CSMD1: variants seen among roughly 807,000 people sequenced by gnomAD.
CSMD1 encodes the protein CUB and sushi domain-containing protein 1.
CSMD1 carries 213 observed loss-of-function variants against 417.5 expected under a neutral mutation model. The ratio of observed to expected loss-of-function variants is 0.51; its 90% CI spans 0.46 to 0.57. CSMD1 has a LOEUF of 0.57. Ranked by LOEUF, CSMD1 falls within the 20% of genes least tolerant of loss-of-function variation. The probability of loss-of-function intolerance (pLI) is 0.00; values close to 1 mark genes in which losing one functional copy is unlikely to be tolerated. For missense variants in CSMD1, 6,923 were observed against 4,529.7 expected (o/e 1.53, Z -15.17); for synonymous variants, 2,862 against 1,736.8 (o/e 1.65, Z -16.11).
At chr8:3,328,127 A>T (rs1447586762) in intron 23 of CSMD1, among the ~76,000 whole-genome samples, 1 of 152,140 alleles carries the variant, frequency 6.6e-6, no homozygotes. Context: ...ATTGTGATTC[A>T]ATGTCAAAAT....
intron 1 of CSMD1, among the ~76,000 whole-genome samples, chr8:4,730,056 T>C (rs1331234740): frequency 2.0e-5 from 3 of 152,116 alleles, no homozygotes; most frequent in Admixed American, 6.5e-5. Flanking sequence ...CCTCTCAGAA[T>C]GGCCAGAGAA....
intron 3 of CSMD1, among the ~76,000 whole-genome samples, chr8:4,287,981 A>C (rs912496407): frequency 6.6e-6 from 1 of 152,146 alleles, no homozygotes; most frequent in African/African-American, 2.4e-5. Context: ...ATGATAATAA[A>C]ATTAAGGTTT....
chr8:4,252,920 A>G lies in CSMD1; in HGVS notation c.415+167033T>C, dbSNP rs554509452. Among the ~76,000 whole-genome samples the G allele has an allele frequency of 3.3e-5, 5 of 152,246 alleles. No homozygotes were observed. The South Asian group carries it at 1.0e-3, about 32-fold the overall frequency. On this transcript the variant is annotated intron_variant, in intron 3 of 69. Transcript: ENST00000635120. ...GTTCATGACCAACTTAAGTGGCTGG[A>G]CCCATGGCAGCAGAACACACCAACT... is the stretch of plus-strand genomic sequence containing the variant.
Position 4,604,415 on chromosome 8 carries a change from G to GCGCGCA in CSMD1, c.302+32926_302+32927insTGCGCG, listed in dbSNP as rs1491097432. On this transcript the variant is annotated intron_variant, in intron 2 of 69. Transcript: ENST00000635120. ...TGTGTGTGTGTGTGTGTGTGTGCGCGTGCGTAAAGACTAGGATCTCCAGGA... is the reference window on the plus strand; with the variant it reads ...TGTGTGTGTGTGTGTGTGTGTGCGCGCGCGCATGCGTAAAGACTAGGATCTCCAGGA... Among the ~76,000 whole-genome samples the GCGCGCA allele has an allele frequency of 3.0e-4, 46 of 151,444 alleles. 1 individual carries two copies. Among genetic ancestry groups the GCGCGCA allele is most frequent in the Admixed American group, 2.4e-3 (37 of 15,186 alleles).
intron 26 of CSMD1, among the ~76,000 whole-genome samples, chr8:3,277,501 C>G (rs1452820003): frequency 6.6e-6 from 1 of 152,138 alleles, no homozygotes; most frequent in South Asian, 2.1e-4. Flanking sequence ...CCACTGAATG[C>G]ATTGTTGGAT....
At chr8:3,739,618 C>T (rs1796692473) in intron 6 of CSMD1, among the ~76,000 whole-genome samples, 1 of 152,046 alleles carries the variant, frequency 6.6e-6, no homozygotes, top group South Asian at 2.1e-4. Context: ...TCTCAAAAGG[C>T]CTTTCTGTGC....
At chr8:3,986,211 G>T (rs1814308655) in intron 5 of CSMD1, among the ~76,000 whole-genome samples, 1 of 152,100 alleles carries the variant, frequency 6.6e-6, no homozygotes, top group Non-Finnish European at 1.5e-5. Flanking sequence ...CTGAGATGGT[G>T]CAAAGACACC....
In CSMD1 at chr8:4,304,676, A is replaced by T. The variant is rs999665465; in HGVS notation, c.415+115277T>A. On this transcript the variant is annotated intron_variant, in intron 3 of 69. Coordinates refer to ENST00000635120, the MANE Select transcript of CSMD1 (RefSeq NM_033225.6). ...CAAATAATGCACCTATCAGCAAGGA[A>T]ACATCTCCAGTTTGAAGATGATGCC... 6.6e-5 allele frequency among the ~76,000 whole-genome samples: 10 copies of T among 152,196 alleles called. No individual in the cohort carries two copies. The South Asian group carries it at 2.1e-3, about 32-fold the overall frequency.
chr8:4,754,392 T>C (rs557938304), intron 1 of CSMD1, among the ~76,000 whole-genome samples: 1 of 152,074 alleles, frequency 6.6e-6, no homozygotes, highest in African/African-American at 2.4e-5. Flanking sequence ...AATTGATCTG[T>C]AGTGTCATAT....
intron 1 of CSMD1, among the ~76,000 whole-genome samples, chr8:4,836,887 C>T (rs892364334): frequency 2.0e-5 from 3 of 152,084 alleles, no homozygotes; most frequent in African/African-American, 7.2e-5. Context: ...CCACCTCTCA[C>T]TCTGTCTGAG....
intron 3 of CSMD1, among the ~76,000 whole-genome samples, chr8:4,080,293 C>G (rs141186157): frequency 2.6e-5 from 4 of 152,158 alleles, no homozygotes; most frequent in South Asian, 2.1e-4. Context: ...ACCACGGTTA[C>G]AGTGTACCTA....
intron 1 of CSMD1, among the ~76,000 whole-genome samples, chr8:4,819,862 T>G (rs1799420186): frequency 6.6e-6 from 1 of 152,092 alleles, no homozygotes; most frequent in Non-Finnish European, 1.5e-5. Flanking sequence ...AGGGAACCCT[T>G]CTCTAAGGGA....
chr8:4,989,838 T>C (rs1811370532), intron 1 of CSMD1, among the ~76,000 whole-genome samples: 1 of 152,246 alleles, frequency 6.6e-6, no homozygotes, highest in Admixed American at 6.5e-5. Context: ...GCTTTGTTTA[T>C]CTGTTTCTTA....
rs1273830782 is a variant in CSMD1, at chr8:3,379,387, G to GA, written c.2782+8106dup. ...ACCATTGACTTTCTTCATTGAATTA[G>GA]AAAAAACTACTTAAAATGTCATATG... On this transcript the variant is annotated intron_variant, in intron 18 of 69. Coordinates refer to ENST00000635120, the MANE Select transcript of CSMD1 (RefSeq NM_033225.6). Among the ~76,000 whole-genome samples the GA allele has an allele frequency of 5.3e-5, 8 of 152,232 alleles. No individual in the cohort carries two copies. The East Asian group carries it at 1.4e-3, about 26-fold the overall frequency.
At chr8:4,406,232 A>G (rs939976752) in intron 3 of CSMD1, among the ~76,000 whole-genome samples, 1 of 152,122 alleles carries the variant, frequency 6.6e-6, no homozygotes, top group Admixed American at 6.6e-5. Flanking sequence ...AAGTCCCCCC[A>G]AATGGTGCAA....
At chr8:3,420,188 G>C (rs1563370745) in intron 12 of CSMD1, among the ~76,000 whole-genome samples, 1 of 152,068 alleles carries the variant, frequency 6.6e-6, no homozygotes, top group Non-Finnish European at 1.5e-5. Context: ...GTCCTTAAAA[G>C]ATACAACTAC....
rs76329622 is a variant in CSMD1 at position 4,100,421 on chromosome 8, C to T, written c.416-68322G>A. 5.8e-3 allele frequency among the ~76,000 whole-genome samples: 876 copies of T among 152,256 alleles called. 9 individuals carry two copies. Among genetic ancestry groups the T allele is most frequent in the African/African-American group, 0.018 (756 of 41,560 alleles). On this transcript the variant is annotated intron_variant, in intron 3 of 69. Transcript: ENST00000635120. ...CTAGTCAGCCAACTACTCTGTAGCC[C>T]GTTCAAAGCAGAATCAAATTCACTA... is the stretch of plus-strand genomic sequence containing the variant.
intron 10 of CSMD1, among the ~76,000 whole-genome samples, chr8:3,548,371 C>G (rs985136183): frequency 6.6e-6 from 1 of 151,968 alleles, no homozygotes; most frequent in Non-Finnish European, 1.5e-5. Context: ...AGTGGTGATT[C>G]GTGAGATTTT....
intron 23 of CSMD1, among the ~76,000 whole-genome samples, chr8:3,323,019 A>T (rs540084589): frequency 6.6e-6 from 1 of 152,144 alleles, no homozygotes; most frequent in African/African-American, 2.4e-5. Flanking sequence ...GTCATGGTTT[A>T]TTCCTTTCTT....
Sources: allele counts gnomAD v4.1 joint callset (sites outside exome capture counted in the v4.1 genomes callset), GRCh38; gene constraint gnomAD v4.1.1; transcripts MANE v1.5; gene names NCBI Gene and HGNC (gene_info 2026-07-23, HGNC 2026-07-21).